TJP1: variants seen among roughly 807,000 people sequenced by gnomAD.
TJP1 encodes the protein tight junction protein ZO-1.
Under a neutral mutation model 194.2 loss-of-function variants are expected in TJP1, and 43 were observed. The ratio of observed to expected loss-of-function variants is 0.22; its 90% CI spans 0.17 to 0.29. The LOEUF is 0.29. TJP1 is among the 10% of genes least tolerant of loss of function. The pLI, the probability that TJP1 is intolerant of heterozygous loss-of-function variation, is 1.00. For synonymous variants in TJP1, 801 were observed against 779.0 expected, an observed-to-expected ratio of 1.03 and a Z score of -0.47; for missense variants, 1,971 against 2,185.7, an observed-to-expected ratio of 0.90 and a Z score of 1.96.
chr15:29,701,754 A>AT, intron 27 of TJP1, 65 bp from the exon 28 acceptor site: 1 of 1,185,124 alleles, frequency 8.4e-7, no homozygotes, highest in South Asian at 1.3e-5. Context: ...ATGCTTTGCA[A>AT]TTATAGGGCA....
chr15:29,933,700 G>A (rs560387058), intron 2 of TJP1, among the ~76,000 whole-genome samples: 40 of 152,160 alleles, frequency 2.6e-4, no homozygotes, highest in Non-Finnish European at 4.0e-4. Flanking sequence ...AGATATTAGA[G>A]ATCTGTTATC....
At chr15:29,783,645 C>T in intron 2 of TJP1, among the ~76,000 whole-genome samples, 1 of 152,318 alleles carries the variant, frequency 6.6e-6, no homozygotes, top group East Asian at 1.9e-4. Context: ...AGAATAAGAT[C>T]ATGTCCTTTG....
intron 2 of TJP1, among the ~76,000 whole-genome samples, chr15:29,877,857 T>A (rs1273938715): frequency 6.6e-6 from 1 of 151,370 alleles, no homozygotes; most frequent in African/African-American, 2.4e-5. Flanking sequence ...TTAGTAGAGA[T>A]GGGGTTTCAC....
chr15:29,871,984 T>C (rs2052541295), intron 2 of TJP1, among the ~76,000 whole-genome samples: 1 of 152,210 alleles, frequency 6.6e-6, no homozygotes, highest in Non-Finnish European at 1.5e-5. Context: ...TCTGAGGTAT[T>C]TTGAAGGAGT....
intron 8 of TJP1, chr15:29,758,823 A>G (rs941822670): frequency 6.6e-6 from 1 of 152,224 alleles, no homozygotes; most frequent in Non-Finnish European, 1.5e-5. Flanking sequence ...AGATAAGCCA[A>G]CTTTACACGT....
chr15:29,965,871 T>C (rs755616026), intron 1 of TJP1, among the ~76,000 whole-genome samples: 52 of 152,178 alleles, frequency 3.4e-4, no homozygotes, highest in Non-Finnish European at 6.5e-4. Flanking sequence ...GATGAATGTT[T>C]GCAAGTTAAC....
At chr15:29,753,310 C>T (rs902645734) in intron 8 of TJP1, among the ~76,000 whole-genome samples, 7 of 151,490 alleles carry the variant, frequency 4.6e-5, no homozygotes, top group Admixed American at 3.3e-4. Flanking sequence ...AGTGAAACCC[C>T]GTCTCTACTA....
chr15:29,815,050 A>C (rs1455729601), intron 1 of TJP1, among the ~76,000 whole-genome samples: 1 of 152,110 alleles, frequency 6.6e-6, no homozygotes, highest in Middle Eastern at 3.2e-3. Context: ...ATTTTCATCC[A>C]TGCTTAGGAT....
At chr15:29,950,709 G>T (rs548466881) in intron 2 of TJP1, among the ~76,000 whole-genome samples, 95 of 152,288 alleles carry the variant, frequency 6.2e-4, no homozygotes, top group Non-Finnish European at 1.2e-3. Flanking sequence ...TCTTTCTACC[G>T]TGTTCTCACC....
chr15:29,796,360 A>C (rs950592167), intron 2 of TJP1, among the ~76,000 whole-genome samples: 2 of 151,778 alleles, frequency 1.3e-5, no homozygotes, highest in South Asian at 2.1e-4. Flanking sequence ...AACAAAAAAA[A>C]ACCTGCATTT....
chr15:29,809,860 C>A (rs1326934170), intron 1 of TJP1, among the ~76,000 whole-genome samples: 14 of 148,898 alleles, frequency 9.4e-5, no homozygotes, highest in African/African-American at 2.9e-4. Context: ...AAAAAAAAAA[C>A]CAAACACTTA....
intron 2 of TJP1, among the ~76,000 whole-genome samples, chr15:29,863,298 AAAATAAAT>A (rs3084406): frequency 2.0e-4 from 30 of 151,064 alleles, no homozygotes; most frequent in African/African-American, 7.0e-4. Flanking sequence ...TTTGTCTCAA[AAAATAAAT>A]AAATAAATAA....
At chr15:29,926,739 T>C (rs2054539929) in intron 2 of TJP1, among the ~76,000 whole-genome samples, 1 of 152,232 alleles carries the variant, frequency 6.6e-6, no homozygotes, top group African/African-American at 2.4e-5. Context: ...TTGCTTCTTA[T>C]TGTAAGGAAT....
At chr15:29,921,112 G>C (rs911679010) in intron 2 of TJP1, among the ~76,000 whole-genome samples, 2 of 152,098 alleles carry the variant, frequency 1.3e-5, no homozygotes, top group Non-Finnish European at 2.9e-5. Flanking sequence ...AAAATGTCAG[G>C]GAGAGTGGGA....
At chr15:29,774,671 G>C (rs1274184770) in intron 2 of TJP1, among the ~76,000 whole-genome samples, 1 of 151,830 alleles carries the variant, frequency 6.6e-6, no homozygotes, top group African/African-American at 2.4e-5. Flanking sequence ...TTTTAAAATG[G>C]ACTCTGGTGA....
At chr15:29,949,762 C>T (rs1795608524) in intron 2 of TJP1, among the ~76,000 whole-genome samples, 1 of 104,522 alleles carries the variant, frequency 9.6e-6, no homozygotes, top group African/African-American at 3.3e-5. Flanking sequence ...CTTTCACCAC[C>T]ACTACCTCCA....
Position 29,766,510 on chromosome 15 carries a change from T to G in TJP1, c.345A>C (p.Pro115=). The change falls in exon 5 of 28, where the codon CCA becomes CCC. Residue 115 remains proline, a synonymous_variant. Coordinates refer to ENST00000614355, the MANE Select transcript of TJP1 (RefSeq NM_001330239.4). ...CTGGTTCAGGATCAGGACGACTTAC[T>G]GGTATTTGAACTTTCTTCTTCCTTC... is the stretch of plus-strand genomic sequence containing the variant. ...TIRRKKKVQI[P]VSRPDPEPVS... 6.3e-7 allele frequency: 1 copy of G among 1,585,146 alleles called. No individual in the cohort carries two copies. Among genetic ancestry groups the G allele is most frequent in the Non-Finnish European group, 8.6e-7 (1 of 1,166,220 alleles).
At chr15:29,908,720 C>T (rs2053910846) in intron 2 of TJP1, among the ~76,000 whole-genome samples, 1 of 152,128 alleles carries the variant, frequency 6.6e-6, no homozygotes, top group Non-Finnish European at 1.5e-5. Context: ...AATCTCCTGG[C>T]TTTTAAAAAG....
intron 2 of TJP1, among the ~76,000 whole-genome samples, chr15:29,864,085 A>G: frequency 6.6e-6 from 1 of 151,906 alleles, no homozygotes; most frequent in Non-Finnish European, 1.5e-5. Context: ...AAGGATTTAT[A>G]TTTCTCAAAA....
Sources: gnomAD v4.1 joint callset for allele counts (sites outside exome capture counted in the v4.1 genomes callset) on GRCh38, gnomAD v4.1.1 for gene constraint, MANE v1.5 for transcripts, NCBI Gene and HGNC (gene_info 2026-07-23, HGNC 2026-07-21) for gene names.